PZP: variants seen among roughly 807,000 people sequenced by gnomAD.
PZP encodes the protein PZP alpha-2-macroglobulin like.
A neutral mutation model predicts 179.8 loss-of-function variants in PZP; 150 were observed. The ratio of observed to expected loss-of-function variants is 0.83; its 90% confidence interval spans 0.73 to 0.96. PZP has a LOEUF of 0.96. Among genes scored for constraint, PZP ranks in the 40% least tolerant of loss-of-function variants. The pLI is 0.00. For synonymous variants in PZP, 624 were observed against 652.3 expected (o/e 0.96, Z 0.66); for missense variants, 1,689 against 1,764.0 (o/e 0.96, Z 0.76).
downstream of PZP, among the ~76,000 whole-genome samples, chr12:9,143,986 G>T (rs1199710224): frequency 6.6e-6 from 1 of 152,244 alleles, no homozygotes; most frequent in South Asian, 2.1e-4. Flanking sequence ...GTGTCCCCAA[G>T]ATTTCTTCTA....
intron 30 of PZP, 38 bp from the exon 31 acceptor site, chr12:9,152,989 T>A (rs1163238522): frequency 1.2e-6 from 2 of 1,613,456 alleles, no homozygotes; most frequent in Non-Finnish European, 1.7e-6. Flanking sequence ...TTCTCTCTTT[T>A]TCTGGACCCC....
rs1262209636 is a variant in PZP, at chr12:9,161,070, C to T, written c.2835G>A (p.Val945=). 6.2e-7 allele frequency: 1 copy of T among 1,604,586 alleles called. No homozygotes were observed. The highest frequency in any genetic ancestry group is 1.7e-5 in the Admixed American group (1 of 59,926). The change falls in exon 23 of 36, where the codon GTG becomes GTA. Residue 945 remains valine (V), a synonymous_variant. Transcript: ENST00000261336. ...EQLSLKLPSN[V]VKESARASFS... ...AAGAAGCTCTGGCAGATTCTTTGAC[C>T]ACATTTGATGGGAGCTTCAAGGACA...
At chr12:9,172,423 A>G (rs961350959) in intron 15 of PZP, among the ~76,000 whole-genome samples, 1 of 152,210 alleles carries the variant, frequency 6.6e-6, no homozygotes, top group African/African-American at 2.4e-5. Flanking sequence ...CTATGAAGCA[A>G]TCACATAAAC....
Position 9,165,319 on chromosome 12 carries a change from G to C in PZP, c.2307C>G (p.Thr769=). Residue 769 remains threonine, a synonymous_variant, in exon 19 of 36, where the codon ACC becomes ACG. Coordinates refer to ENST00000261336, the MANE Select transcript of PZP (RefSeq NM_002864.3). ...EVGVTVPDTI[T]EWKAGAFCLS... The stretch of plus-strand genomic sequence containing the variant: ...GGCAGAAGGCCCCTGCCTTCCACTC[G>C]GTGATGGTGTCAGGGACTGTTACTC... 2 of 1,614,130 alleles carry C rather than the reference G, an allele frequency of 1.2e-6. No individual in the cohort carries two copies. The highest frequency in any genetic ancestry group is 1.7e-6 in the Non-Finnish European group (2 of 1,179,988).
At chr12:9,204,468 CA>C (rs1944348466) in intron 1 of PZP, among the ~76,000 whole-genome samples, 1 of 152,096 alleles carries the variant, frequency 6.6e-6, no homozygotes, top group South Asian at 2.1e-4. Flanking sequence ...TATCATTACA[CA>C]AAATAACACA....
intron 31 of PZP, 80 bp from the exon 32 acceptor site, chr12:9,152,390 G>T: frequency 9.7e-7 from 1 of 1,030,042 alleles, no homozygotes; most frequent in Non-Finnish European, 1.5e-6. Flanking sequence ...ATCACTTTAA[G>T]CCTGTCTGTC....
intron 13 of PZP, among the ~76,000 whole-genome samples, chr12:9,187,972 A>G (rs1226426113): frequency 6.6e-6 from 1 of 152,266 alleles, no homozygotes; most frequent in Non-Finnish European, 1.5e-5. Context: ...TGGTGGCTGC[A>G]GTCCCAGGTT....
downstream of PZP, among the ~76,000 whole-genome samples, chr12:9,147,941 A>G (rs1940095954): frequency 6.6e-6 from 1 of 151,792 alleles, no homozygotes; most frequent in Non-Finnish European, 1.5e-5. Context: ...CTCCCACACT[A>G]CATTTATCCC....
chr12:9,208,185 A>G lies in PZP; in HGVS notation c.83+74T>C, dbSNP rs1207278673. Reference sequence around the variant, plus strand: ...AATGAGTGGAAAGGTGGCATTTACAAAGGAAGGCAAAGCGAAGACACAAGG... The same window carrying G: ...AATGAGTGGAAAGGTGGCATTTACAGAGGAAGGCAAAGCGAAGACACAAGG... On this transcript the variant is annotated intron_variant, in intron 1 of 35. Transcript: ENST00000261336. 4.4e-6 allele frequency: 5 copies of G among 1,142,834 alleles called. No individual in the cohort carries two copies. The African/African-American group carries it at 7.7e-5, about 18-fold the overall frequency. 70.8% of individuals were successfully genotyped at this position (1,142,834 alleles called of 1,614,324 possible). A position where few individuals can be genotyped will look rare whatever the true frequency, so the allele number is the denominator to read the frequency against.
chr12:9,157,091 C>T (rs1940811149), intron 28 of PZP, 84 bp downstream of exon 28: 2 of 1,364,164 alleles, frequency 1.5e-6, no homozygotes, highest in Non-Finnish European at 2.0e-6. Flanking sequence ...CTCCGCACCT[C>T]CCAGACAGGC....
the PZP span, among the ~76,000 whole-genome samples, chr12:9,139,431 GT>G: frequency 6.6e-6 from 1 of 152,136 alleles, no homozygotes. Context: ...GCATATGTCT[GT>G]TTGGTCCATT....
chr12:9,200,298 G>A, intron 7 of PZP, 66 bp downstream of exon 7: 3 of 1,072,154 alleles, frequency 2.8e-6, no homozygotes, highest in Non-Finnish European at 4.1e-6. Context: ...TTATAATTTT[G>A]TACCTACATA....
chr12:9,171,808 A>G (rs979418219), intron 15 of PZP, among the ~76,000 whole-genome samples: 2 of 152,188 alleles, frequency 1.3e-5, no homozygotes, highest in East Asian at 1.9e-4. Flanking sequence ...AATGAAAAGA[A>G]ATGAACAAAA....
chr12:9,185,526 C>T (rs1592524239), intron 13 of PZP, among the ~76,000 whole-genome samples: 1 of 152,188 alleles, frequency 6.6e-6, no homozygotes, highest in African/African-American at 2.4e-5. Context: ...GGATATCATC[C>T]ATGAGAACTT....
chr12:9,142,708 T>C, the PZP span, among the ~76,000 whole-genome samples: 2 of 152,252 alleles, frequency 1.3e-5, no homozygotes, highest in Non-Finnish European at 2.9e-5. Flanking sequence ...AATTGGATTA[T>C]TGGCCTTTGG....
At position 9,202,677 on chromosome 12, in the gene PZP, CT is replaced by C; in HGVS notation, c.274del (p.Arg92GlyfsTer15). ...TGCCACCTCTGAAGAGGCTGAGATC[CT>C]TGGGAGCTAAAAAGCAAAGGATTTT... ...LFHCVSFTLP[R>X]ISASSEVAFL... On this transcript the variant is annotated frameshift_variant, in exon 3 of 36. Coordinates refer to ENST00000261336, the MANE Select transcript of PZP (RefSeq NM_002864.3). LOFTEE classifies it high-confidence loss of function. 1 of 1,613,076 alleles carries C rather than the reference CT, an allele frequency of 6.2e-7. No individual in the cohort carries two copies.
At chr12:9,165,923 T>C (rs1211845249) in intron 18 of PZP, 129 bp downstream of exon 18, 1 of 1,148,824 alleles carries the variant, frequency 8.7e-7, no homozygotes, top group African/African-American at 1.5e-5. Flanking sequence ...TTTACTTAGG[T>C]CTATCCTAAA....
the PZP span, among the ~76,000 whole-genome samples, chr12:9,140,271 G>C: frequency 2.8e-3 from 431 of 152,266 alleles, 2 homozygotes; most frequent in African/African-American, 9.5e-3. Context: ...AGTAGGGGGG[G>C]GCCCAGGAAT....
At chr12:9,150,295 T>G (rs1940255663) in intron 34 of PZP, among the ~76,000 whole-genome samples, 1 of 152,232 alleles carries the variant, frequency 6.6e-6, no homozygotes, top group Non-Finnish European at 1.5e-5. Context: ...GTTTTTTCTT[T>G]TTTTTGAGAC....
Sources: allele counts gnomAD v4.1 joint callset (sites outside exome capture counted in the v4.1 genomes callset), GRCh38; gene constraint gnomAD v4.1.1; transcripts MANE v1.5; gene names NCBI Gene and HGNC (gene_info 2026-07-23, HGNC 2026-07-21).